Variants in SLC35F4 observed in about 807,000 individuals in gnomAD.
The protein encoded by SLC35F4 is chromosome 14 open reading frame 36.
Under a neutral mutation model 44.2 loss-of-function variants are expected in SLC35F4, and 24 were observed. The ratio of observed to expected loss-of-function variants is 0.54; its 90% CI spans 0.39 to 0.76. SLC35F4 has a LOEUF of 0.76. Among genes scored for constraint, SLC35F4 ranks in the 30% least tolerant of loss-of-function variants. The probability of loss-of-function intolerance (pLI) is 0.00; values close to 1 mark genes in which losing one functional copy is unlikely to be tolerated. For synonymous variants in SLC35F4, 238 were observed against 223.6 expected, an observed-to-expected ratio of 1.06 and a Z score of -0.57; for missense variants, 562 against 586.1, an observed-to-expected ratio of 0.96 and a Z score of 0.42.
intron 1 of SLC35F4, among the ~76,000 whole-genome samples, chr14:57,744,216 T>C (rs1233811943): frequency 2.6e-5 from 4 of 152,180 alleles, no homozygotes; most frequent in Non-Finnish European, 5.9e-5. Flanking sequence ...GTGTTGGAAG[T>C]TCTGGCCAGG....
chr14:57,711,497 C>A (rs1044142518), intron 1 of SLC35F4, among the ~76,000 whole-genome samples: 8 of 152,066 alleles, frequency 5.3e-5, no homozygotes, highest in Non-Finnish European at 1.0e-4. Context: ...CATTATGAGA[C>A]CATTTTTTAT....
intron 1 of SLC35F4, among the ~76,000 whole-genome samples, chr14:57,609,878 G>A (rs998832356): frequency 2.6e-5 from 4 of 152,088 alleles, no homozygotes; most frequent in East Asian, 3.9e-4. Flanking sequence ...TGGCTATTTC[G>A]TGGATGACTG....
At chr14:57,567,614 T>C (rs1441659734) in intron 6 of SLC35F4, among the ~76,000 whole-genome samples, 1 of 152,110 alleles carries the variant, frequency 6.6e-6, no homozygotes, top group Non-Finnish European at 1.5e-5. Flanking sequence ...AGGCAGAGGG[T>C]CTTCCTAAAC....
chr14:57,805,829 C>T (rs1881252990), intron 1 of SLC35F4, among the ~76,000 whole-genome samples: 1 of 152,150 alleles, frequency 6.6e-6, no homozygotes, highest in Non-Finnish European at 1.5e-5. Flanking sequence ...CTATAAATTG[C>T]TTATGCTATA....
intron 1 of SLC35F4, among the ~76,000 whole-genome samples, chr14:57,847,964 C>T (rs781493053): frequency 6.6e-6 from 1 of 151,872 alleles, no homozygotes; most frequent in Admixed American, 6.6e-5. Context: ...ACTAAAATAA[C>T]GATGAATGTA....
At chr14:57,764,504 G>C (rs758529443) in intron 1 of SLC35F4, among the ~76,000 whole-genome samples, 1 of 152,204 alleles carries the variant, frequency 6.6e-6, no homozygotes, top group Non-Finnish European at 1.5e-5. Context: ...AAATAATTAG[G>C]TCTTTCAAGT....
At chr14:57,650,980 C>A (rs2073759381) in intron 1 of SLC35F4, among the ~76,000 whole-genome samples, 1 of 152,186 alleles carries the variant, frequency 6.6e-6, no homozygotes, top group Non-Finnish European at 1.5e-5. Flanking sequence ...TCCCCAAACA[C>A]CCTATCTAAA....
chr14:57,649,236 A>G (rs886084327), intron 1 of SLC35F4, among the ~76,000 whole-genome samples: 3 of 152,202 alleles, frequency 2.0e-5, no homozygotes, highest in Non-Finnish European at 4.4e-5. Flanking sequence ...GCTGTAACAA[A>G]TTACCAAAAC....
At chr14:57,883,183 CCCA>C (rs1888576610) in intron 1 of SLC35F4, among the ~76,000 whole-genome samples, 1 of 152,108 alleles carries the variant, frequency 6.6e-6, no homozygotes. Flanking sequence ...AGGCCAACCC[CCCA>C]TGTGACTACA....
intron 1 of SLC35F4, among the ~76,000 whole-genome samples, chr14:57,831,747 A>G (rs768055815): frequency 6.6e-6 from 1 of 152,216 alleles, no homozygotes; most frequent in Non-Finnish European, 1.5e-5. Context: ...TGTGGGTCCA[A>G]TAACACCTTT....
chr14:57,833,573 A>G (rs1248328708), intron 1 of SLC35F4, among the ~76,000 whole-genome samples: 1 of 152,252 alleles, frequency 6.6e-6, no homozygotes, highest in Non-Finnish European at 1.5e-5. Flanking sequence ...ACTCAGATGC[A>G]TATCAGAGAG....
intron 1 of SLC35F4, among the ~76,000 whole-genome samples, chr14:57,789,713 C>T (rs1432025353): frequency 2.0e-5 from 3 of 152,068 alleles, no homozygotes; most frequent in Admixed American, 1.3e-4. Context: ...TTCAGACCAA[C>T]ATGCCTGATG....
chr14:57,893,461 CT>C (rs1406455867), intron 1 of SLC35F4, among the ~76,000 whole-genome samples: 6 of 152,108 alleles, frequency 3.9e-5, no homozygotes, highest in Non-Finnish European at 8.8e-5. Flanking sequence ...TAAACAGTAA[CT>C]GAAAAAGGCA....
rs552623973 is a variant in SLC35F4 at position 57,750,455 on chromosome 14, T to C, written c.103+115268A>G. ...GGTAATTCTATTTGAAAAATCTTCATACTGTTTTCTATAGAGGTTGTACTA... is the reference window on the plus strand; with the variant it reads ...GGTAATTCTATTTGAAAAATCTTCACACTGTTTTCTATAGAGGTTGTACTA... On this transcript the variant is annotated intron_variant, in intron 1 of 7. Coordinates refer to ENST00000556826, the MANE Select transcript of SLC35F4 (RefSeq NM_001306087.2). 2.0e-5 allele frequency among the ~76,000 whole-genome samples: 3 copies of C among 152,226 alleles called. No individual in the cohort carries two copies. The South Asian group carries it at 6.2e-4, about 32-fold the overall frequency.
intron 1 of SLC35F4, among the ~76,000 whole-genome samples, chr14:57,820,862 T>C (rs1480013693): frequency 6.6e-6 from 1 of 152,158 alleles, no homozygotes; most frequent in African/African-American, 2.4e-5. Context: ...TCTTAGAGAA[T>C]AGAGAAATGG....
intron 1 of SLC35F4, among the ~76,000 whole-genome samples, chr14:57,620,933 A>C (rs1482557299): frequency 1.3e-5 from 2 of 152,108 alleles, no homozygotes; most frequent in Non-Finnish European, 2.9e-5. Flanking sequence ...ATCTCAGCCC[A>C]AAATCTCCTT....
intron 1 of SLC35F4, among the ~76,000 whole-genome samples, chr14:57,681,052 C>T (rs1349977621): frequency 8.4e-6 from 1 of 119,278 alleles, no homozygotes; most frequent in Admixed American, 7.7e-5. Context: ...AAAAAAGAGC[C>T]CATATAGCCA....
Position 57,727,518 on chromosome 14 carries a change from A to G in SLC35F4, c.104-133394T>C, listed in dbSNP as rs147150441. Among the ~76,000 whole-genome samples, 5 of 150,180 alleles carry G rather than the reference A, an allele frequency of 3.3e-5. No individual in the cohort carries two copies. The East Asian group carries it at 9.8e-4, about 29-fold the overall frequency. On this transcript the variant is annotated intron_variant, in intron 1 of 7. Coordinates refer to ENST00000556826, the MANE Select transcript of SLC35F4 (RefSeq NM_001306087.2). The stretch of plus-strand genomic sequence containing the variant: ...GCTTTTTTTTTTTCTTTTTTAACAT[A>G]GGCACTTATAGCTATACACTTTCCT...
intron 1 of SLC35F4, among the ~76,000 whole-genome samples, chr14:57,786,398 C>T (rs1238548166): frequency 6.6e-6 from 1 of 152,102 alleles, no homozygotes; most frequent in Admixed American, 6.5e-5. Flanking sequence ...ACTGCTGGTC[C>T]CTCTCCACAC....
Sources: allele counts gnomAD v4.1 joint callset (sites outside exome capture counted in the v4.1 genomes callset), GRCh38; gene constraint gnomAD v4.1.1; transcripts MANE v1.5; gene names NCBI Gene and HGNC (gene_info 2026-07-23, HGNC 2026-07-21).